The following SCAF1 variants were observed in gnomAD, a reference collection of about 807,000 sequenced individuals.
SCAF1 encodes SR-related CTD associated factor 1.
In SCAF1, 28 loss-of-function variants were observed where a neutral mutation model predicts 91.2. The ratio of observed to expected loss-of-function variants is 0.31; its 90% CI spans 0.23 to 0.42. SCAF1 has a LOEUF of 0.42. Among genes scored for constraint, SCAF1 ranks in the 10% least tolerant of loss-of-function variants. The pLI is 1.00. For synonymous variants in SCAF1, 1,036 were observed against 833.7 expected, an observed-to-expected ratio of 1.24 and a Z score of -4.18; for missense variants, 1,893 against 1,872.1, an observed-to-expected ratio of 1.01 and a Z score of -0.21.
In SCAF1 at chr19:49,651,547, C is replaced by G. The variant is rs770161014; in HGVS notation, c.1158C>G (p.Pro386=). The change falls in exon 7 of 11, where the codon CCC becomes CCG. Residue 386 remains proline, a synonymous_variant. Transcript: ENST00000360565. ...CCCTCCCGCCGCCCCTGCTGCCGCC[C>G]GGCGACTCGGAGATCGAGGAAGGGG... ...GAALPPPLLP[P]GDSEIEEGEI... The G allele has an allele frequency of 1.3e-6, 2 of 1,560,130 alleles. No individual in the cohort carries two copies. Among genetic ancestry groups the G allele is most frequent in the Non-Finnish European group, 1.7e-6 (2 of 1,153,964 alleles).
rs1257135502 is a variant in SCAF1 at position 49,651,643 on chromosome 19, G to A, written c.1254G>A (p.Arg418=). ...SLFRPGGRAA[R]PTPAASATPT... ...TCCGCCCCGGCGGCCGGGCCGCCCG[G>A]CCTACACCGGCCGCCTCGGCCACCC... Residue 418 remains arginine (R), a synonymous_variant, in exon 7 of 11, where the codon CGG becomes CGA. Coordinates refer to ENST00000360565, the MANE Select transcript of SCAF1 (RefSeq NM_021228.3). 7.0e-7 allele frequency: 1 copy of A among 1,433,376 alleles called. No homozygotes were observed. Among genetic ancestry groups the A allele is most frequent in the South Asian group, 1.5e-5 (1 of 68,018 alleles). The allele number at this position is 1,433,376 out of a possible 1,614,324, so 88.8% of individuals were successfully genotyped here.
chr19:49,652,731 A>G lies in SCAF1; in HGVS notation c.2342A>G (p.Asp781Gly). Residue 781 changes from aspartate to glycine, a missense_variant, in exon 7 of 11, where the codon GAC becomes GGC. This residue lies in a region of SCAF1 where 1,436 missense variants were observed against 1,306.8 expected (regional missense o/e 1.10). Coordinates refer to ENST00000360565, the MANE Select transcript of SCAF1 (RefSeq NM_021228.3). ...KALDGGDRDR[D>G]RDRDRDRDRS... Reference sequence around the variant, plus strand: ...CTGGACGGGGGTGACCGGGATCGGGACAGGGACAGAGATAGGGACAGGGAC... The same window carrying G: ...CTGGACGGGGGTGACCGGGATCGGGGCAGGGACAGAGATAGGGACAGGGAC... 6.2e-7 allele frequency: 1 copy of G among 1,603,196 alleles called. No homozygotes were observed. The highest frequency in any genetic ancestry group is 1.3e-5 in the African/African-American group (1 of 74,768).
At position 49,657,644 on chromosome 19, in the gene SCAF1, G is replaced by C. The variant is rs540150415; in HGVS notation, c.3619-117G>C. The C allele has an allele frequency of 2.4e-5, 31 of 1,294,482 alleles. 1 individual carries two copies. The South Asian group carries it at 4.4e-4, about 18-fold the overall frequency. The allele number at this position is 1,294,482 out of a possible 1,614,324, so 80.2% of individuals were successfully genotyped here. A position where few individuals can be genotyped will look rare whatever the true frequency, so the allele number is the denominator to read the frequency against. The stretch of plus-strand genomic sequence containing the variant: ...AGACCCTCAGCAGGACTTCCAGCCT[G>C]AGAGCAGCTGGACGGCCAGAGAGGT... On this transcript the variant is annotated intron_variant, in intron 9 of 10. Transcript: ENST00000360565.
At chr19:49,654,561 G>T in intron 8 of SCAF1, 91 bp from the exon 9 acceptor site, 1 of 1,364,500 alleles carries the variant, frequency 7.3e-7, no homozygotes, top group South Asian at 1.3e-5. Flanking sequence ...TGCCTCAGCT[G>T]TGGGGAAGTC....
chr19:49,653,797 C>CA, intron 7 of SCAF1, 92 bp downstream of exon 7: 1 of 1,251,064 alleles, frequency 8.0e-7, no homozygotes, highest in Non-Finnish European at 1.1e-6. Flanking sequence ...GGTGCCCTGG[C>CA]AGGGAGAGGT....
rs1466840420 is a variant in SCAF1, at chr19:49,642,650, G to GT, written c.-7+409dup. On this transcript the variant is annotated intron_variant, in intron 1 of 10. Coordinates refer to ENST00000360565, the MANE Select transcript of SCAF1 (RefSeq NM_021228.3). This position sits in a 1 kb window ranked among gnomAD's most constrained non-coding sequence, Gnocchi z 4.0. The stretch of plus-strand genomic sequence containing the variant: ...TGAGATCTTGAGATATGTCCCAGGG[G>GT]TGAAGGAGGGTCTGCAAGACCTGAA... 1 of 152,326 alleles carries GT rather than the reference G, an allele frequency of 6.6e-6. No individual in the cohort carries two copies. Among genetic ancestry groups the GT allele is most frequent in the Non-Finnish European group, 1.5e-5 (1 of 68,112 alleles). The allele number at this position is 152,326 out of a possible 1,614,324, so 9.4% of individuals were successfully genotyped here.
intron 1 of SCAF1, among the ~76,000 whole-genome samples, chr19:49,644,354 C>T (rs1191109876): frequency 2.0e-5 from 3 of 152,142 alleles, no homozygotes; most frequent in Non-Finnish European, 4.4e-5. Context: ...GTGCAGATGG[C>T]GATAGGTAAA....
At position 49,645,729 on chromosome 19, in the gene SCAF1, G is replaced by A. The variant is rs528815635; in HGVS notation, c.166+318G>A. Among the ~76,000 whole-genome samples the A allele has an allele frequency of 6.6e-6, 1 of 152,290 alleles. No individual in the cohort carries two copies. Among genetic ancestry groups the A allele is most frequent in the South Asian group, 2.1e-4 (1 of 4,822 alleles). On this transcript the variant is annotated intron_variant, in intron 3 of 10. Coordinates refer to ENST00000360565, the MANE Select transcript of SCAF1 (RefSeq NM_021228.3). The surrounding 1 kb of genome is among the most constrained non-coding windows in gnomAD (Gnocchi z 4.6). ...AGAGTCTAAGGACCTAGGATTAGAG[G>A]GAAGCCTGATCAGCTGCAGCAGGCC...
Position 49,652,268 on chromosome 19 carries a change from C to A in SCAF1, c.1879C>A (p.Arg627Ser). The A allele has an allele frequency of 1.4e-6, 2 of 1,471,024 alleles. No homozygotes were observed. Among genetic ancestry groups the A allele is most frequent in the Non-Finnish European group, 9.0e-7 (1 of 1,115,706 alleles). 91.1% of individuals were successfully genotyped at this position (1,471,024 alleles called of 1,614,324 possible). A position where few individuals can be genotyped will look rare whatever the true frequency, so the allele number is the denominator to read the frequency against. The change falls in exon 7 of 11, where the codon CGC becomes AGC. Residue 627 changes from arginine (R) to serine (S), a missense_variant. Arg to Ser is a moderately radical substitution (Grantham distance 110). Coordinates refer to ENST00000360565, the MANE Select transcript of SCAF1 (RefSeq NM_021228.3). Reference protein sequence around the residue: ...PATSSSSSSRRERHRGKHRDG... With the variant: ...PATSSSSSSRSERHRGKHRDG... Reference sequence around the variant, plus strand: ...CACTTCCTCATCGTCGTCCTCGAGGCGCGAGCGGCACCGCGGGAAACACCG... The same window carrying A: ...CACTTCCTCATCGTCGTCCTCGAGGAGCGAGCGGCACCGCGGGAAACACCG...
At chr19:49,658,138 C>T (rs2081156897) in intron 10 of SCAF1, 70 bp from the exon 11 acceptor site, 21 of 1,498,886 alleles carry the variant, frequency 1.4e-5, no homozygotes, top group Non-Finnish European at 1.9e-5. Flanking sequence ...TTCCAAGCTG[C>T]GCCCAACAGT....
At position 49,651,045 on chromosome 19, in the gene SCAF1, C is replaced by A; in HGVS notation, c.656C>A (p.Ala219Asp). The change falls in exon 7 of 11, where the codon GCC becomes GAC. Residue 219 changes from alanine (A) to aspartate (D), a missense_variant. Around this residue, in one of 5 missense-constraint regions of SCAF1, gnomAD observed 270 missense variants for 292.5 expected, o/e 0.92. Transcript: ENST00000360565. ...PPPPPPPAPP[A>D]PPAPRFDIYD... is the part of the protein sequence containing the mutation. ...CCCCCACCGCCCCCTGCACCCCCAG[C>A]CCCACCTGCCCCCCGATTCGATATC... The A allele has an allele frequency of 8.3e-7, 1 of 1,204,944 alleles. No individual in the cohort carries two copies. Among genetic ancestry groups the A allele is most frequent in the Non-Finnish European group, 1.1e-6 (1 of 881,446 alleles). The allele number at this position is 1,204,944 out of a possible 1,614,324, so 74.6% of individuals were successfully genotyped here. A position where few individuals can be genotyped will look rare whatever the true frequency, so the allele number is the denominator to read the frequency against.
rs201476531 is a variant in SCAF1 at position 49,653,644 on chromosome 19, C to T, written c.3255C>T (p.Pro1085=). 11 of 1,586,534 alleles carry T rather than the reference C, an allele frequency of 6.9e-6. No homozygotes were observed. The African/African-American group carries it at 1.2e-4, about 17-fold the overall frequency. ...GTGTCTCCCAGCTGCCCACGTTGCC[C>T]CCGCCCATGCCCTGGAATCTGCCAG... ...ASRVSQLPTL[P]PPMPWNLPAG... The change falls in exon 7 of 11, where the codon CCC becomes CCT. Residue 1085 remains proline (P), a synonymous_variant. Transcript: ENST00000360565.
Position 49,658,424 on chromosome 19 carries a change from T to C in SCAF1, c.*25T>C, listed in dbSNP as rs1257015919. On this transcript the variant is annotated 3_prime_UTR_variant, in exon 11 of 11. Coordinates refer to ENST00000360565, the MANE Select transcript of SCAF1 (RefSeq NM_021228.3). ...AGAGCCCTGGCCAGCTCTTCGCCCC[T>C]CACCTCTTTGAAACTCTGGACGTAT... 5 of 1,405,350 alleles carry C rather than the reference T, an allele frequency of 3.6e-6. No individual in the cohort carries two copies. Among genetic ancestry groups the C allele is most frequent in the Admixed American group, 2.3e-5 (1 of 43,024 alleles). 87.1% of individuals were successfully genotyped at this position (1,405,350 alleles called of 1,614,324 possible).
At chr19:49,648,490 C>A (rs979387954) in intron 6 of SCAF1, among the ~76,000 whole-genome samples, 1 of 151,546 alleles carries the variant, frequency 6.6e-6, no homozygotes, top group Non-Finnish European at 1.5e-5. Context: ...AACTCCAGAG[C>A]TCAAGCAATC....
In SCAF1 at chr19:49,645,459, C is replaced by A. The variant is rs779501247; in HGVS notation, c.166+48C>A. 2 of 1,569,386 alleles carry A rather than the reference C, an allele frequency of 1.3e-6. No individual in the cohort carries two copies. The highest frequency in any genetic ancestry group is 1.1e-5 in the South Asian group (1 of 88,948). On this transcript the variant is annotated intron_variant, in intron 3 of 10. Transcript: ENST00000360565. This position sits in a 1 kb window ranked among gnomAD's most constrained non-coding sequence, Gnocchi z 4.6. ...TTAGCCCCTGCCCCCTCTCTGCATT[C>A]TTTATCCTAATGTCATTCATACAAG...
rs760624103 is a variant in SCAF1, at chr19:49,658,305, G to A, written c.3845G>A (p.Arg1282His). The A allele has an allele frequency of 5.0e-6, 8 of 1,608,182 alleles. No individual in the cohort carries two copies. Among genetic ancestry groups the A allele is most frequent in the Admixed American group, 1.7e-5 (1 of 59,328 alleles). Reference sequence around the variant, plus strand: ...TACCGCTACTTCCGCAAGCACGGTCGCAAGCCAGGGGACCCCCCAGGGCCC... The same window carrying A: ...TACCGCTACTTCCGCAAGCACGGTCACAAGCCAGGGGACCCCCCAGGGCCC... ...QRYRYFRKHG[R>H]KPGDPPGPPR... Residue 1282 changes from arginine (R) to histidine (H), a missense_variant, in exon 11 of 11, where the codon CGC becomes CAC. Arg to His is a conservative substitution (Grantham distance 29, BLOSUM62 0). Around this residue, in one of 5 missense-constraint regions of SCAF1, gnomAD observed 51 missense variants for 49.9 expected, o/e 1.02. Coordinates refer to ENST00000360565, the MANE Select transcript of SCAF1 (RefSeq NM_021228.3).
rs748039355 is a variant in SCAF1 at position 49,653,470 on chromosome 19, A to G, written c.3081A>G (p.Glu1027=). The G allele has an allele frequency of 4.3e-5, 67 of 1,551,204 alleles. No homozygotes were observed. Among genetic ancestry groups the G allele is most frequent in the Middle Eastern group, 3.6e-4 (2 of 5,582 alleles). Residue 1027 remains glutamate, a synonymous_variant, in exon 7 of 11, where the codon GAA becomes GAG. Coordinates refer to ENST00000360565, the MANE Select transcript of SCAF1 (RefSeq NM_021228.3). ...GTGGGGCGGAGGAGGAGGAGGAGGA[A>G]GAAGAAGAGGAGGAGGAAGAGGAAG... ...VRGGAEEEEE[E]EEEEEEEEEE... is the part of the protein sequence containing the mutation.
At chr19:49,650,686 C>G (rs1461973786) in intron 6 of SCAF1, among the ~76,000 whole-genome samples, 182 bp from the exon 7 acceptor site, 1 of 152,116 alleles carries the variant, frequency 6.6e-6, no homozygotes, top group East Asian at 1.9e-4. Context: ...CTCCTGTGAC[C>G]TTTGGGTTAA....
In SCAF1 at chr19:49,657,828, A is replaced by G. The variant is rs2081151968; in HGVS notation, c.3686A>G (p.Tyr1229Cys). Residue 1229 changes from tyrosine (Y) to cysteine (C), a missense_variant, in exon 10 of 11, where the codon TAT becomes TGT. This residue lies in a region of SCAF1 where 56 missense variants were observed against 106.3 expected (regional missense o/e 0.53). Coordinates refer to ENST00000360565, the MANE Select transcript of SCAF1 (RefSeq NM_021228.3). ...EEVKLAIKPYYQKKDITKEEY... is the reference protein window; with the variant it reads ...EEVKLAIKPYCQKKDITKEEY... ...GTGAAGCTGGCCATCAAGCCATACT[A>G]TCAGAAGAAGGACATCACCAAGGAG... 2 of 1,610,610 alleles carry G rather than the reference A, an allele frequency of 1.2e-6. No individual in the cohort carries two copies. Among genetic ancestry groups the G allele is most frequent in the Non-Finnish European group, 1.7e-6 (2 of 1,178,414 alleles).
Sources: gnomAD v4.1 joint callset for allele counts (sites outside exome capture counted in the v4.1 genomes callset) on GRCh38, gnomAD v4.1.1 for gene constraint, gnomAD v4.1.1 regional missense constraint, Gnocchi (gnomAD v3.1) non-coding constraint, MANE v1.5 for transcripts, NCBI Gene and HGNC (gene_info 2026-07-23, HGNC 2026-07-21) for gene names.